Variants in LPCAT2 observed in about 807,000 individuals in gnomAD.
LPCAT2 encodes the protein lysophosphatidylcholine acyltransferase 2.
In LPCAT2, 58 loss-of-function variants were observed where a neutral mutation model predicts 64.7. The ratio of observed to expected loss-of-function variants is 0.90; its 90% confidence interval spans 0.73 to 1.12. The LOEUF (loss-of-function observed/expected upper bound fraction) is 1.12, where lower values mean the gene tolerates loss of function less well. Ranked by LOEUF, LPCAT2 falls within the 50% of genes most tolerant of loss-of-function variation. LPCAT2 has a pLI of 0.00. For missense variants in LPCAT2, 579 were observed against 669.8 expected, an observed-to-expected ratio of 0.86 and a Z score of 1.50; for synonymous variants, 252 against 245.3, an observed-to-expected ratio of 1.03 and a Z score of -0.26.
intron 13 of LPCAT2, among the ~76,000 whole-genome samples, chr16:55,581,452 G>T (rs1198459896): frequency 6.6e-6 from 1 of 152,062 alleles, no homozygotes; most frequent in Non-Finnish European, 1.5e-5. Flanking sequence ...GTTCAATCTG[G>T]TGACTTCCTC....
At chr16:55,568,482 A>G (rs1222726538) in intron 11 of LPCAT2, among the ~76,000 whole-genome samples, 3 of 152,252 alleles carry the variant, frequency 2.0e-5, no homozygotes, top group African/African-American at 7.2e-5. Flanking sequence ...TATAGAGAAC[A>G]CATATTGCTG....
At chr16:55,513,650 A>T (rs1049364783) in intron 1 of LPCAT2, among the ~76,000 whole-genome samples, 1 of 152,162 alleles carries the variant, frequency 6.6e-6, no homozygotes, top group Non-Finnish European at 1.5e-5. Context: ...GTTTAATTTT[A>T]TTCTAATTCC....
At chr16:55,532,003 C>T in intron 5 of LPCAT2, 29 bp downstream of exon 5, 1 of 1,311,750 alleles carries the variant, frequency 7.6e-7, no homozygotes, top group South Asian at 1.2e-5. Flanking sequence ...TGTATTCTAA[C>T]AAAGTAATAT....
chr16:55,529,972 A>T, intron 4 of LPCAT2, 25 bp downstream of exon 4: 1 of 1,526,608 alleles, frequency 6.6e-7, no homozygotes, highest in Non-Finnish European at 9.0e-7. Flanking sequence ...ATGTTAATTT[A>T]AATATAGTGG....
intron 1 of LPCAT2, among the ~76,000 whole-genome samples, chr16:55,516,166 G>A (rs1392200611): frequency 2.0e-5 from 3 of 152,168 alleles, no homozygotes; most frequent in Admixed American, 6.5e-5. Flanking sequence ...GTGCAGTGGT[G>A]TAATCACAGC....
At chr16:55,509,427 T>G (rs1596839667) in intron 1 of LPCAT2, 75 bp downstream of exon 1, 141 of 1,151,628 alleles carry the variant, frequency 1.2e-4, no homozygotes, top group Middle Eastern at 3.0e-4. Context: ...GTAAGGGGTG[T>G]GGGTCTGAGA....
chr16:55,565,674 G>C (rs1368808521), intron 11 of LPCAT2, among the ~76,000 whole-genome samples: 1 of 151,984 alleles, frequency 6.6e-6, no homozygotes, highest in African/African-American at 2.4e-5. Flanking sequence ...CTAGAAAATA[G>C]AGAGATGGTT....
chr16:55,532,988 G>T, intron 6 of LPCAT2, 106 bp downstream of exon 6: 2 of 863,382 alleles, frequency 2.3e-6, no homozygotes, highest in Non-Finnish European at 3.6e-6. Flanking sequence ...GATAAATGGT[G>T]GAAGCAAATG....
chr16:55,530,499 G>C (rs866830805), intron 4 of LPCAT2, among the ~76,000 whole-genome samples: 15 of 151,016 alleles, frequency 9.9e-5, no homozygotes, highest in South Asian at 2.1e-4. Flanking sequence ...GGGTGGGGGG[G>C]GGGTAACATT....
intron 11 of LPCAT2, among the ~76,000 whole-genome samples, chr16:55,560,185 G>C (rs1344420871): frequency 1.3e-5 from 2 of 152,130 alleles, no homozygotes; most frequent in Admixed American, 1.3e-4. Flanking sequence ...CTATGACAGA[G>C]TGACAGTCCA....
intron 7 of LPCAT2, among the ~76,000 whole-genome samples, chr16:55,537,129 G>A (rs1963333735): frequency 6.6e-6 from 1 of 152,010 alleles, no homozygotes. Flanking sequence ...GTGTTGTCAA[G>A]GAAACTTCAA....
At chr16:55,578,617 A>G (rs1963855277) in intron 12 of LPCAT2, among the ~76,000 whole-genome samples, 1 of 152,046 alleles carries the variant, frequency 6.6e-6, no homozygotes, top group South Asian at 2.1e-4. Flanking sequence ...ACTCTGCCTC[A>G]AAGTTTTCTC....
rs148992122 is a variant in LPCAT2, at chr16:55,513,546, C to T, written c.171+4194C>T. ...AAAAAAAAATCAGAATCAACTTTGT[C>T]TTAGCTCTGAAAATTAACCAAAGGC... is the stretch of plus-strand genomic sequence containing the variant. On this transcript the variant is annotated intron_variant, in intron 1 of 13. Transcript: ENST00000262134. 5.3e-5 allele frequency among the ~76,000 whole-genome samples: 8 copies of T among 152,074 alleles called. No individual in the cohort carries two copies. In the East Asian group the frequency reaches 1.4e-3, roughly 26 times the overall value.
chr16:55,525,752 T>C (rs1963162255), intron 2 of LPCAT2, 105 bp downstream of exon 2: 1 of 761,436 alleles, frequency 1.3e-6, no homozygotes, highest in Non-Finnish European at 1.8e-6. Flanking sequence ...ATCTAACTGC[T>C]GTTAGATAAA....
intron 11 of LPCAT2, among the ~76,000 whole-genome samples, chr16:55,570,619 A>C (rs1963759407): frequency 6.6e-6 from 1 of 152,138 alleles, no homozygotes; most frequent in East Asian, 1.9e-4. Context: ...TATTTAAAAA[A>C]ATCTTATCAG....
At chr16:55,570,564 G>A (rs1183926374) in intron 11 of LPCAT2, among the ~76,000 whole-genome samples, 3 of 152,048 alleles carry the variant, frequency 2.0e-5, no homozygotes, top group East Asian at 1.9e-4. Flanking sequence ...AGCCCGGGGG[G>A]TCCAGCCTGA....
intron 11 of LPCAT2, among the ~76,000 whole-genome samples, chr16:55,561,879 T>C (rs1963640286): frequency 6.6e-6 from 1 of 151,980 alleles, no homozygotes; most frequent in Admixed American, 6.6e-5. Context: ...AAATCAGTTG[T>C]TGGAAAGTTT....
At chr16:55,530,106 A>G (rs1186476187) in intron 4 of LPCAT2, among the ~76,000 whole-genome samples, 159 bp downstream of exon 4, 5 of 152,138 alleles carry the variant, frequency 3.3e-5, no homozygotes, top group Non-Finnish European at 5.9e-5. Context: ...GCCAGTATTA[A>G]GAAGTCCTCT....
intron 7 of LPCAT2, 118 bp downstream of exon 7, chr16:55,534,595 A>T: frequency 2.0e-6 from 1 of 488,040 alleles, no homozygotes; most frequent in Non-Finnish European, 3.6e-6. Flanking sequence ...ATATTTAAAA[A>T]CATAAAGATT....
Sources: gnomAD v4.1 joint callset for allele counts (sites outside exome capture counted in the v4.1 genomes callset) on GRCh38, gnomAD v4.1.1 for gene constraint, MANE v1.5 for transcripts, NCBI Gene and HGNC (gene_info 2026-07-23, HGNC 2026-07-21) for gene names.